MOXD1: variants seen among roughly 807,000 people sequenced by gnomAD.
MOXD1 encodes the protein DBH-like monooxygenase protein 1.
Under a neutral mutation model 66.6 loss-of-function variants are expected in MOXD1, and 62 were observed. The observed-to-expected ratio is 0.93, with a 90% CI of 0.76 to 1.15. The LOEUF (loss-of-function observed/expected upper bound fraction) is 1.15, where lower values mean the gene tolerates loss of function less well. MOXD1 is among the 50% of genes most tolerant of loss of function. MOXD1 has a pLI of 0.00. For synonymous variants in MOXD1, 303 were observed against 281.9 expected, an observed-to-expected ratio of 1.07 and a Z score of -0.75; for missense variants, 847 against 754.6, an observed-to-expected ratio of 1.12 and a Z score of -1.44.
intron 4 of MOXD1, among the ~76,000 whole-genome samples, chr6:132,354,880 C>T (rs1291891185): frequency 6.6e-6 from 1 of 152,046 alleles, no homozygotes; most frequent in Non-Finnish European, 1.5e-5. Context: ...GAGTCATCTA[C>T]CTAGGAGGAT....
chr6:132,323,484 C>T (rs761765828), intron 7 of MOXD1, among the ~76,000 whole-genome samples: 6 of 152,062 alleles, frequency 3.9e-5, no homozygotes, highest in Non-Finnish European at 8.8e-5. Flanking sequence ...ACTAAATATA[C>T]TTTTCTTCTA....
intron 1 of MOXD1, among the ~76,000 whole-genome samples, chr6:132,394,074 C>T (rs1776823359): frequency 6.6e-6 from 1 of 152,192 alleles, no homozygotes; most frequent in Non-Finnish European, 1.5e-5. Context: ...GGCTAATGCT[C>T]AACCCACTGC....
chr6:132,399,466 C>G (rs1187061414), intron 1 of MOXD1, among the ~76,000 whole-genome samples: 1 of 152,158 alleles, frequency 6.6e-6, no homozygotes, highest in East Asian at 1.9e-4. Flanking sequence ...GAGTACTTAA[C>G]TAAGTCCTAT....
chr6:132,297,750 G>C (rs1197086989), intron 11 of MOXD1, 37 bp downstream of exon 11: 3 of 1,550,834 alleles, frequency 1.9e-6, no homozygotes, highest in Non-Finnish European at 1.7e-6. Context: ...CAGATAAAAT[G>C]TGTCATCTGG....
intron 1 of MOXD1, among the ~76,000 whole-genome samples, chr6:132,386,435 A>AACAAAC (rs1478139163): frequency 1.4e-5 from 2 of 144,722 alleles, no homozygotes; most frequent in African/African-American, 5.1e-5. Context: ...AAACAAAACA[A>AACAAAC]AAAAAAAAAA....
intron 4 of MOXD1, among the ~76,000 whole-genome samples, chr6:132,353,298 T>C (rs1775841080): frequency 6.6e-6 from 1 of 152,156 alleles, no homozygotes; most frequent in South Asian, 2.1e-4. Flanking sequence ...TTTGATGTGT[T>C]TCTGGATTTG....
intron 1 of MOXD1, among the ~76,000 whole-genome samples, chr6:132,387,906 C>T (rs1776685684): frequency 6.6e-6 from 1 of 151,132 alleles, no homozygotes; most frequent in Admixed American, 6.6e-5. Context: ...ATATTTAATA[C>T]CCTAATCTAC....
intron 10 of MOXD1, among the ~76,000 whole-genome samples, chr6:132,303,874 TATATAC>T (rs1307660727): frequency 5.0e-3 from 232 of 46,334 alleles, no homozygotes; most frequent in African/African-American, 0.047. Flanking sequence ...TATATATATA[TATATAC>T]ATATATACAT....
intron 4 of MOXD1, among the ~76,000 whole-genome samples, chr6:132,354,609 T>C (rs534120489): frequency 6.6e-6 from 1 of 152,260 alleles, no homozygotes; most frequent in Admixed American, 6.5e-5. Flanking sequence ...TGATTTAAAG[T>C]TCTATTTTTG....
intron 10 of MOXD1, among the ~76,000 whole-genome samples, chr6:132,312,814 A>T (rs1774860470): frequency 6.6e-6 from 1 of 151,926 alleles, no homozygotes; most frequent in South Asian, 2.1e-4. Flanking sequence ...ACTTAAAAAA[A>T]AAAAATAGGC....
At chr6:132,320,346 TA>T (rs1463757375) in intron 9 of MOXD1, among the ~76,000 whole-genome samples, 1 of 152,166 alleles carries the variant, frequency 6.6e-6, no homozygotes, top group Non-Finnish European at 1.5e-5. Flanking sequence ...ACAGTTCTTT[TA>T]AAAATATTAG....
chr6:132,316,024 C>G (rs1321875336), intron 9 of MOXD1, among the ~76,000 whole-genome samples: 1 of 152,126 alleles, frequency 6.6e-6, no homozygotes, highest in East Asian at 1.9e-4. Flanking sequence ...ATGTAAACTT[C>G]TCAACACAGT....
intron 4 of MOXD1, among the ~76,000 whole-genome samples, chr6:132,344,508 A>G (rs902631443): frequency 6.6e-6 from 1 of 152,190 alleles, no homozygotes. Context: ...CAAACTAAAG[A>G]CAATTTAAAG....
intron 4 of MOXD1, among the ~76,000 whole-genome samples, chr6:132,340,378 A>G (rs977859212): frequency 6.6e-6 from 1 of 151,740 alleles, no homozygotes; most frequent in African/African-American, 2.4e-5. Context: ...TGACTACTCA[A>G]ATCTGGATTA....
chr6:132,331,849 G>A (rs1305489628), intron 4 of MOXD1, among the ~76,000 whole-genome samples: 1 of 152,116 alleles, frequency 6.6e-6, no homozygotes, highest in South Asian at 2.1e-4. Context: ...CAAGGACCCT[G>A]GAAGTTGCTG....
At chr6:132,388,847 C>A (rs1391176311) in intron 1 of MOXD1, among the ~76,000 whole-genome samples, 2 of 151,326 alleles carry the variant, frequency 1.3e-5, no homozygotes, top group African/African-American at 4.8e-5. Flanking sequence ...TGACCACACA[C>A]AACTGTTAAA....
chr6:132,328,013 C>A lies in MOXD1; in HGVS notation c.946G>T (p.Gly316Cys), dbSNP rs200008764. ...VHYDNPTYEE[G>C]LIDNSGLRLF... ...TAAAACATATGAATAATAAACTCAC[C>A]TTCCTCATAAGTGGGATTATCATAA... The change falls in exon 6 of 12, where the codon GGC (glycine) becomes TGC (cysteine). Residue 316 changes from glycine (G) to cysteine (C), a missense_variant and splice_region_variant. Gly to Cys is a radical substitution (Grantham distance 159). Transcript: ENST00000367963. 77 of 1,607,112 alleles carry A rather than the reference C, an allele frequency of 4.8e-5. No homozygotes were observed. Among genetic ancestry groups the A allele is most frequent in the Non-Finnish European group, 5.6e-5 (66 of 1,174,438 alleles).
At chr6:132,313,206 T>C (rs1019271286) in intron 10 of MOXD1, among the ~76,000 whole-genome samples, 5 of 152,216 alleles carry the variant, frequency 3.3e-5, no homozygotes, top group African/African-American at 1.2e-4. Flanking sequence ...TTATGTACTA[T>C]ATAATGTTGA....
chr6:132,347,109 G>A (rs1049087195), intron 4 of MOXD1, among the ~76,000 whole-genome samples: 2 of 151,982 alleles, frequency 1.3e-5, no homozygotes, highest in African/African-American at 2.4e-5. Flanking sequence ...ATCTTTATAC[G>A]ACACTGAGAC....
Sources: allele counts gnomAD v4.1 joint callset (sites outside exome capture counted in the v4.1 genomes callset), GRCh38; gene constraint gnomAD v4.1.1; transcripts MANE v1.5; gene names NCBI Gene and HGNC (gene_info 2026-07-23, HGNC 2026-07-21).